DISC1: variants seen among roughly 807,000 people sequenced by gnomAD.
DISC1 encodes DISC1 scaffold protein, also known as disrupted in schizophrenia 1 protein.
A neutral mutation model predicts 84.5 loss-of-function variants in DISC1; 57 were observed. The observed-to-expected ratio is 0.67, with a 90% CI of 0.55 to 0.84. The LOEUF (loss-of-function observed/expected upper bound fraction) is 0.84. Among genes scored for constraint, DISC1 ranks in the 40% least tolerant of loss-of-function variants. DISC1 has a pLI of 0.00. For synonymous variants in DISC1, 411 were observed against 415.2 expected (o/e 0.99, Z 0.12); for missense variants, 1,000 against 1,057.8 (o/e 0.95, Z 0.76).
chr1:231,702,950 A>G (rs1377956146), intron 3 of DISC1, among the ~76,000 whole-genome samples: 1 of 152,202 alleles, frequency 6.6e-6, no homozygotes, highest in Non-Finnish European at 1.5e-5. Flanking sequence ...ATTGGTATGG[A>G]AATGGAATGT....
intron 9 of DISC1, among the ~76,000 whole-genome samples, chr1:231,865,442 G>A (rs1412153535): frequency 6.6e-6 from 1 of 152,206 alleles, no homozygotes; most frequent in Admixed American, 6.5e-5. Context: ...CACCCAGGAT[G>A]GGAGGCTAAA....
At chr1:231,774,315 G>C (rs1214699001) in intron 6 of DISC1, among the ~76,000 whole-genome samples, 1 of 152,096 alleles carries the variant, frequency 6.6e-6, no homozygotes, top group Non-Finnish European at 1.5e-5. Context: ...ATAAACCAGA[G>C]CAGTTAAAAG....
chr1:231,691,320 A>G lies in DISC1; in HGVS notation c.68-2506A>G, dbSNP rs549120093. ...GTGGCAGGCACCCGCAATCCCAGCT[A>G]CTTGGGAGGCTGAGGCAGGAGAATC... On this transcript the variant is annotated intron_variant, in intron 1 of 12. Coordinates refer to ENST00000439617, the MANE Select transcript of DISC1 (RefSeq NM_018662.3). Among the ~76,000 whole-genome samples the G allele has an allele frequency of 1.4e-4, 22 of 152,214 alleles. No individual in the cohort carries two copies. The East Asian group carries it at 4.1e-3, about 28-fold the overall frequency.
chr1:231,918,680 T>C (rs977654037), intron 9 of DISC1, among the ~76,000 whole-genome samples: 4 of 152,208 alleles, frequency 2.6e-5, no homozygotes, highest in Non-Finnish European at 5.9e-5. Context: ...GAAAAATATC[T>C]CTTTTGCTCT....
chr1:231,799,287 C>A (rs1216993830), intron 7 of DISC1, among the ~76,000 whole-genome samples: 2 of 152,074 alleles, frequency 1.3e-5, no homozygotes, highest in Non-Finnish European at 2.9e-5. Flanking sequence ...ATCTATCTGC[C>A]TTCAAAGTTT....
chr1:232,036,601 T>C, intron 12 of DISC1, 91 bp from the exon 13 acceptor site: 1 of 1,290,026 alleles, frequency 7.8e-7, no homozygotes, highest in Non-Finnish European at 1.0e-6. Context: ...AGTACCCATC[T>C]GCTTCCAGCA....
At chr1:232,020,430 C>G (rs976787172) in intron 11 of DISC1, among the ~76,000 whole-genome samples, 1 of 152,170 alleles carries the variant, frequency 6.6e-6, no homozygotes, top group Non-Finnish European at 1.5e-5. Context: ...GAGGATGGTT[C>G]CTAAGACCCC....
intron 1 of DISC1, among the ~76,000 whole-genome samples, chr1:231,679,749 C>T (rs192667424): frequency 8.4e-4 from 128 of 152,308 alleles, no homozygotes; most frequent in African/African-American, 3.0e-3. Flanking sequence ...CTCTCTTAAA[C>T]ATCCTAAGTT....
intron 9 of DISC1, 172 bp downstream of exon 9, chr1:231,818,689 ATTAC>A: frequency 7.0e-7 from 1 of 1,433,118 alleles, no homozygotes; most frequent in Non-Finnish European, 9.1e-7. Context: ...ACCGAATGGA[ATTAC>A]TTGTCAGCTT....
intron 8 of DISC1, among the ~76,000 whole-genome samples, chr1:231,805,816 C>G (rs987032931): frequency 6.6e-6 from 1 of 152,160 alleles, no homozygotes; most frequent in South Asian, 2.1e-4. Context: ...AAGGAAAGTA[C>G]AGCCCTGAGC....
intron 6 of DISC1, among the ~76,000 whole-genome samples, chr1:231,774,306 T>A (rs1445467379): frequency 1.3e-5 from 2 of 151,930 alleles, no homozygotes; most frequent in Non-Finnish European, 2.9e-5. Flanking sequence ...AGGGTAGGAA[T>A]AAACCAGAGC....
intron 9 of DISC1, chr1:231,818,897 G>C (rs200947305): frequency 9.7e-7 from 1 of 1,028,860 alleles, no homozygotes; most frequent in Non-Finnish European, 1.2e-6. Context: ...ACTAAATCAG[G>C]CTGATCTGAG....
intron 12 of DISC1, among the ~76,000 whole-genome samples, chr1:232,028,404 G>A (rs201403950): frequency 6.6e-6 from 1 of 152,086 alleles, no homozygotes; most frequent in Non-Finnish European, 1.5e-5. Flanking sequence ...TTGATTCTGG[G>A]GAATTGGATC....
At position 231,978,021 on chromosome 1, in the gene DISC1, T is replaced by C. The variant is rs146618089; in HGVS notation, c.2042+19133T>C. Reference sequence around the variant, plus strand: ...TCTTTGTAATGTTGAGAGAACTAGATTGTTTGTCCTACGGAATTTGGCAAA... The same window carrying C: ...TCTTTGTAATGTTGAGAGAACTAGACTGTTTGTCCTACGGAATTTGGCAAA... On this transcript the variant is annotated intron_variant, in intron 10 of 12. Transcript: ENST00000439617. Among the ~76,000 whole-genome samples the C allele has an allele frequency of 4.1e-3, 625 of 152,332 alleles. 2 individuals are homozygous for C. Among genetic ancestry groups the C allele is most frequent in the Middle Eastern group, 6.8e-3 (2 of 294 alleles).
At chr1:231,862,698 GACCCAGGAAAC>G (rs2084756817) in intron 9 of DISC1, among the ~76,000 whole-genome samples, 1 of 152,140 alleles carries the variant, frequency 6.6e-6, no homozygotes, top group South Asian at 2.1e-4. Context: ...GACTTCAGGT[GACCCAGGAAAC>G]ATCTGGATAT....
chr1:231,914,471 G>A (rs530387656), intron 9 of DISC1, among the ~76,000 whole-genome samples: 1 of 152,296 alleles, frequency 6.6e-6, no homozygotes, highest in South Asian at 2.1e-4. Context: ...GCTCTGCTCG[G>A]CTTCTTTTGC....
At chr1:231,677,011 G>A (rs2063218286) in intron 1 of DISC1, among the ~76,000 whole-genome samples, 1 of 152,148 alleles carries the variant, frequency 6.6e-6, no homozygotes. Flanking sequence ...CTTCCTTAAG[G>A]AAAAGGAGAG....
In DISC1 at chr1:231,844,809, C is replaced by A. The variant is rs544096539; in HGVS notation, c.1981+26292C>A. 1.5e-3 allele frequency among the ~76,000 whole-genome samples: 225 copies of A among 151,620 alleles called. 3 individuals carry two copies. Among genetic ancestry groups the A allele is most frequent in the African/African-American group, 5.2e-3 (215 of 41,372 alleles). On this transcript the variant is annotated intron_variant, in intron 9 of 12. Transcript: ENST00000439617. ...GGACATTGTGGTGGGCGCCTGTAGT[C>A]CCAGCTACTCGGGAGGCTGAGGCAG...
chr1:231,743,002 T>G (rs1387918069), intron 3 of DISC1, among the ~76,000 whole-genome samples: 3 of 152,206 alleles, frequency 2.0e-5, no homozygotes, highest in East Asian at 3.8e-4. Context: ...ATAACTTATA[T>G]CTTTCTTTGG....
Sources: allele counts gnomAD v4.1 joint callset (sites outside exome capture counted in the v4.1 genomes callset), GRCh38; gene constraint gnomAD v4.1.1; transcripts MANE v1.5; gene names NCBI Gene and HGNC (gene_info 2026-07-23, HGNC 2026-07-21).